The following ZNRF2 variants were observed in gnomAD, a reference collection of about 807,000 sequenced individuals.
The protein encoded by ZNRF2 is zinc and ring finger 2.
ZNRF2 carries 16 observed loss-of-function variants against 20.4 expected under a neutral mutation model. The observed-to-expected ratio is 0.79, with a 90% confidence interval of 0.53 to 1.19. The LOEUF is 1.19. Ranked by LOEUF, ZNRF2 falls within the 50% of genes most tolerant of loss-of-function variation. The pLI is 0.00. For missense variants in ZNRF2, 363 were observed against 332.4 expected (o/e 1.09, Z -0.72); for synonymous variants, 178 against 144.9 (o/e 1.23, Z -1.64).
At chr7:30,342,021 T>TA (rs1491341345) in intron 2 of ZNRF2, among the ~76,000 whole-genome samples, 2 of 152,094 alleles carry the variant, frequency 1.3e-5, no homozygotes, top group African/African-American at 2.4e-5. Context: ...AAGTCTGTTT[T>TA]ATCAGAGACA....
chr7:30,353,146 A>G (rs1470565714), intron 2 of ZNRF2, among the ~76,000 whole-genome samples: 1 of 152,158 alleles, frequency 6.6e-6, no homozygotes, highest in Non-Finnish European at 1.5e-5. Context: ...AGCATTTGCT[A>G]TGTGAAGCTG....
chr7:30,285,498 G>C lies in ZNRF2; in HGVS notation c.141G>C (p.Gly47=). 9.4e-7 allele frequency: 1 copy of C among 1,065,534 alleles called. No homozygotes were observed. The highest frequency in any genetic ancestry group is 1.1e-6 in the Non-Finnish European group (1 of 883,818). 66.0% of individuals were successfully genotyped at this position (1,065,534 alleles called of 1,614,324 possible). The change falls in exon 1 of 5, where the codon GGG becomes GGC. Residue 47 remains glycine, a synonymous_variant. Coordinates refer to ENST00000323037, the MANE Select transcript of ZNRF2 (RefSeq NM_147128.4). The part of the protein sequence containing the change: ...GGGGARAAAA[G]RFPAQVPSAH... The stretch of plus-strand genomic sequence containing the variant: ...GGGGCGCTCGGGCCGCCGCCGCGGG[G>C]AGGTTCCCGGCTCAGGTGCCCAGCG...
At position 30,320,066 on chromosome 7, in the gene ZNRF2, A is replaced by G. The variant is rs183401522; in HGVS notation, c.470-3576A>G. ...AGTTTATATATTTATTTAACCACGA[A>G]TTCTTTGTTTTGATTCATCTGTTGG... On this transcript the variant is annotated intron_variant, in intron 1 of 4. Coordinates refer to ENST00000323037, the MANE Select transcript of ZNRF2 (RefSeq NM_147128.4). Among the ~76,000 whole-genome samples the G allele has an allele frequency of 6.0e-4, 92 of 152,270 alleles. 1 individual carries two copies. Among genetic ancestry groups the G allele is most frequent in the African/African-American group, 2.2e-3 (90 of 41,556 alleles).
intron 2 of ZNRF2, among the ~76,000 whole-genome samples, chr7:30,328,512 A>G (rs1402841821): frequency 6.6e-6 from 1 of 152,212 alleles, no homozygotes; most frequent in Non-Finnish European, 1.5e-5. Flanking sequence ...ATTCATAGTT[A>G]TAACACAAGA....
chr7:30,362,030 T>C (rs956882957), intron 3 of ZNRF2, among the ~76,000 whole-genome samples: 1 of 152,206 alleles, frequency 6.6e-6, no homozygotes, highest in Admixed American at 6.5e-5. Context: ...CATGAACAGG[T>C]TGATAATGTG....
chr7:30,307,882 A>G (rs117214536), intron 1 of ZNRF2, among the ~76,000 whole-genome samples: 269 of 152,290 alleles, frequency 1.8e-3, no homozygotes, highest in Non-Finnish European at 3.3e-3. Context: ...AAATTTTACC[A>G]TCAAAGAAAA....
At chr7:30,304,248 A>G (rs944172322) in intron 1 of ZNRF2, among the ~76,000 whole-genome samples, 1 of 152,118 alleles carries the variant, frequency 6.6e-6, no homozygotes, top group Non-Finnish European at 1.5e-5. Context: ...ATTAAAAAAA[A>G]TGCTGGATTT....
intron 1 of ZNRF2, among the ~76,000 whole-genome samples, chr7:30,289,619 T>C (rs1459781799): frequency 1.3e-5 from 2 of 152,222 alleles, no homozygotes; most frequent in Non-Finnish European, 2.9e-5. Context: ...TCCTCACTTG[T>C]AATTTCATAC....
chr7:30,299,163 C>CA (rs575453796), intron 1 of ZNRF2, among the ~76,000 whole-genome samples: 212 of 152,214 alleles, frequency 1.4e-3, no homozygotes, highest in African/African-American at 4.9e-3. Flanking sequence ...CGTGGTGGCT[C>CA]ACGCCTGTAA....
chr7:30,313,341 T>G (rs1296760358), intron 1 of ZNRF2, among the ~76,000 whole-genome samples: 1 of 152,172 alleles, frequency 6.6e-6, no homozygotes, highest in Admixed American at 6.5e-5. Context: ...TTCCACAATA[T>G]AATCTAAGAC....
chr7:30,312,779 C>T (rs1799311559), intron 1 of ZNRF2, among the ~76,000 whole-genome samples: 2 of 152,140 alleles, frequency 1.3e-5, no homozygotes, highest in Admixed American at 1.3e-4. Flanking sequence ...TGTAACTACA[C>T]CTGTGGCTCT....
rs186156855 is a variant in ZNRF2, at chr7:30,327,876, T to C, written c.565+4139T>C. ...GCCACCATGCCTGGCTTTTATTTTT[T>C]ATTTTGTAGAGATAAAAAATTCAAA... On this transcript the variant is annotated intron_variant, in intron 2 of 4. Coordinates refer to ENST00000323037, the MANE Select transcript of ZNRF2 (RefSeq NM_147128.4). Among the ~76,000 whole-genome samples, 43 of 152,200 alleles carry C rather than the reference T, an allele frequency of 2.8e-4. 1 individual carries two copies. The highest frequency in any genetic ancestry group is 6.5e-4 in the Admixed American group (10 of 15,278).
At chr7:30,336,637 A>G (rs1799719884) in intron 2 of ZNRF2, among the ~76,000 whole-genome samples, 1 of 152,116 alleles carries the variant, frequency 6.6e-6, no homozygotes, top group Admixed American at 6.6e-5. Flanking sequence ...TCTTTGATTC[A>G]GAGATTATGT....
intron 1 of ZNRF2, among the ~76,000 whole-genome samples, chr7:30,308,295 A>AT (rs1799240154): frequency 6.6e-6 from 1 of 152,248 alleles, no homozygotes; most frequent in East Asian, 1.9e-4. Context: ...ATACACCAGA[A>AT]TTTTTTCAAC....
intron 3 of ZNRF2, among the ~76,000 whole-genome samples, chr7:30,357,315 CACTG>C (rs1295141938): frequency 6.6e-6 from 1 of 152,142 alleles, no homozygotes; most frequent in African/African-American, 2.4e-5. Context: ...GGATGCTGTA[CACTG>C]ACTACTATTA....
intron 2 of ZNRF2, among the ~76,000 whole-genome samples, chr7:30,337,415 A>C (rs1405380090): frequency 6.6e-6 from 1 of 152,174 alleles, no homozygotes; most frequent in Non-Finnish European, 1.5e-5. Flanking sequence ...TTTATTACTC[A>C]TAGCAATAGC....
chr7:30,346,535 G>T (rs1799882396), intron 2 of ZNRF2, among the ~76,000 whole-genome samples: 1 of 151,838 alleles, frequency 6.6e-6, no homozygotes, highest in Non-Finnish European at 1.5e-5. Flanking sequence ...TAAGAAGTCT[G>T]GCTTTGTCTC....
intron 2 of ZNRF2, among the ~76,000 whole-genome samples, chr7:30,335,820 G>T (rs942550771): frequency 1.3e-5 from 2 of 152,156 alleles, no homozygotes; most frequent in East Asian, 1.9e-4. Flanking sequence ...GTAAGGAAAA[G>T]AATTTGTTTA....
intron 3 of ZNRF2, 39 bp from the exon 4 acceptor site, chr7:30,362,324 ATATAAATAATTAGT>A: frequency 8.2e-7 from 1 of 1,215,850 alleles, no homozygotes; most frequent in Non-Finnish European, 1.1e-6. Context: ...GGCTCTCATT[ATATAAATAATTAGT>A]ATAAGTATCT....
Sources: gnomAD v4.1 joint callset for allele counts (sites outside exome capture counted in the v4.1 genomes callset) on GRCh38, gnomAD v4.1.1 for gene constraint, MANE v1.5 for transcripts, NCBI Gene and HGNC (gene_info 2026-07-23, HGNC 2026-07-21) for gene names.